MEIS2: variants seen among roughly 807,000 people sequenced by gnomAD.
MEIS2 encodes the protein Meis homeobox 2, also known as homeobox protein Meis2.
Under a neutral mutation model 58.6 loss-of-function variants are expected in MEIS2, and 9 were observed. The ratio of observed to expected loss-of-function variants is 0.15; its 90% CI spans 0.09 to 0.27. MEIS2 has a LOEUF of 0.27. Among genes scored for constraint, MEIS2 ranks in the 10% least tolerant of loss-of-function variants. The pLI, the probability that MEIS2 is intolerant of heterozygous loss-of-function variation, is 1.00. For synonymous variants in MEIS2, 221 were observed against 228.4 expected (o/e 0.97, Z 0.29); for missense variants, 427 against 635.0 (o/e 0.67, Z 3.52).
intron 8 of MEIS2, among the ~76,000 whole-genome samples, chr15:36,988,510 G>A (rs2060165800): frequency 6.6e-6 from 1 of 152,104 alleles, no homozygotes; most frequent in African/African-American, 2.4e-5. Flanking sequence ...CTAGACAATT[G>A]CTATGACTTT....
intron 7 of MEIS2, among the ~76,000 whole-genome samples, chr15:37,075,525 C>T (rs886239416): frequency 6.6e-6 from 1 of 151,972 alleles, no homozygotes; most frequent in African/African-American, 2.4e-5. Context: ...AGGCACACAT[C>T]AGTGAACCAA....
At chr15:36,948,815 A>C (rs2058661152) in intron 9 of MEIS2, among the ~76,000 whole-genome samples, 1 of 151,958 alleles carries the variant, frequency 6.6e-6, no homozygotes, top group South Asian at 2.1e-4. Flanking sequence ...ATCAATGTAT[A>C]ATCACATACA....
chr15:36,929,835 C>A (rs2057901038), intron 9 of MEIS2, among the ~76,000 whole-genome samples: 1 of 152,106 alleles, frequency 6.6e-6, no homozygotes, highest in East Asian at 1.9e-4. Flanking sequence ...TCTAAACATA[C>A]AGAGATTGAT....
chr15:37,070,615 T>G lies in MEIS2; in HGVS notation c.754+13156A>C, dbSNP rs576743542. On this transcript the variant is annotated intron_variant, in intron 7 of 11. Coordinates refer to ENST00000561208, the MANE Select transcript of MEIS2 (RefSeq NM_170675.5). Reference sequence around the variant, plus strand: ...CACAAAGTTCTTTTTTGTTTCTGTTTGTTTGTTCATTTAAAGTAATGCCTA... The same window carrying G: ...CACAAAGTTCTTTTTTGTTTCTGTTGGTTTGTTCATTTAAAGTAATGCCTA... Among the ~76,000 whole-genome samples, 4 of 152,318 alleles carry G rather than the reference T, an allele frequency of 2.6e-5. No homozygotes were observed. In the East Asian group the frequency reaches 7.7e-4, roughly 29 times the overall value.
chr15:36,958,723 A>G (rs2059077977), intron 8 of MEIS2, among the ~76,000 whole-genome samples: 1 of 152,184 alleles, frequency 6.6e-6, no homozygotes, highest in Non-Finnish European at 1.5e-5. Flanking sequence ...TTTATTTAAC[A>G]TTTGTTAGGA....
chr15:37,087,109 A>G lies in MEIS2; in HGVS notation c.640-3224T>C, dbSNP rs550117415. On this transcript the variant is annotated intron_variant, in intron 6 of 11. Coordinates refer to ENST00000561208, the MANE Select transcript of MEIS2 (RefSeq NM_170675.5). Reference sequence around the variant, plus strand: ...AAAAACACATGATGCAAGTAGAAAAATAAAGAGAAACGCTCGCCGGGTGCC... The same window carrying G: ...AAAAACACATGATGCAAGTAGAAAAGTAAAGAGAAACGCTCGCCGGGTGCC... Among the ~76,000 whole-genome samples the G allele has an allele frequency of 3.3e-5, 5 of 152,300 alleles. No homozygotes were observed. The South Asian group carries it at 1.0e-3, about 32-fold the overall frequency.
chr15:36,967,730 T>C (rs886478423), intron 8 of MEIS2, among the ~76,000 whole-genome samples: 1 of 152,206 alleles, frequency 6.6e-6, no homozygotes, highest in South Asian at 2.1e-4. Context: ...ATTTTATTCC[T>C]CTATTATTGC....
rs780677066 is a variant in MEIS2 at position 37,098,036 on chromosome 15, T to C, written c.176A>G (p.Asn59Ser). 17 of 1,612,820 alleles carry C rather than the reference T, an allele frequency of 1.1e-5. No homozygotes were observed. The highest frequency in any genetic ancestry group is 1.6e-4 in the Middle Eastern group (1 of 6,082). Residue 59 changes from asparagine (N) to serine (S), a missense_variant, in exon 2 of 12, where the codon AAT becomes AGT. Around this residue, in one of 6 missense-constraint regions of MEIS2, gnomAD observed 103 missense variants for 111.8 expected, o/e 0.92. Coordinates refer to ENST00000561208, the MANE Select transcript of MEIS2 (RefSeq NM_170675.5). Reference protein sequence around the residue: ...QHYGAHAPHPNVMPASMGSAV... With the variant: ...QHYGAHAPHPSVMPASMGSAV... ...GGATCCCATACTGGCCGGCATGACA[T>C]TGGGGTGCGGGGCGTGCGCGCCGTA...
Position 37,095,413 on chromosome 15 carries a change from G to C in MEIS2, c.438+151C>G. On this transcript the variant is annotated intron_variant, in intron 4 of 11. Coordinates refer to ENST00000561208, the MANE Select transcript of MEIS2 (RefSeq NM_170675.5). ...GCTCCTCGCTCGCCAGCTCCCGTGC[G>C]GGGGCTCTAAGCTGCTCCCTTCCTC... The C allele has an allele frequency of 1.7e-6, 2 of 1,179,456 alleles. 1 individual carries two copies. The highest frequency in any genetic ancestry group is 3.1e-5 in the South Asian group (2 of 64,750). 73.1% of individuals were successfully genotyped at this position (1,179,456 alleles called of 1,614,324 possible).
At chr15:37,092,013 C>T (rs963363481) in intron 6 of MEIS2, among the ~76,000 whole-genome samples, 1 of 152,204 alleles carries the variant, frequency 6.6e-6, no homozygotes, top group Non-Finnish European at 1.5e-5. Context: ...CCACAACACA[C>T]TGTGGAGCCA....
At chr15:37,066,742 A>G (rs187080502) in intron 7 of MEIS2, among the ~76,000 whole-genome samples, 2 of 152,314 alleles carry the variant, frequency 1.3e-5, no homozygotes, top group Non-Finnish European at 2.9e-5. Context: ...TGAGTCCATG[A>G]GAGCTTAAAG....
At chr15:36,958,210 A>T (rs980955518) in intron 8 of MEIS2, among the ~76,000 whole-genome samples, 2 of 152,194 alleles carry the variant, frequency 1.3e-5, no homozygotes, top group African/African-American at 4.8e-5. Context: ...CCACAGTGGG[A>T]AGGCCTCATT....
chr15:37,018,416 G>A lies in MEIS2; in HGVS notation c.900+18398C>T, dbSNP rs112048090. On this transcript the variant is annotated intron_variant, in intron 8 of 11. Coordinates refer to ENST00000561208, the MANE Select transcript of MEIS2 (RefSeq NM_170675.5). Reference sequence around the variant, plus strand: ...GTAAGACCCACATCATCTCATCAATGTTTTAGATTTATTATATTATGCAAC... The same window carrying A: ...GTAAGACCCACATCATCTCATCAATATTTTAGATTTATTATATTATGCAAC... 3.9e-3 allele frequency among the ~76,000 whole-genome samples: 592 copies of A among 152,208 alleles called. 3 individuals are homozygous for A. Among genetic ancestry groups the A allele is most frequent in the African/African-American group, 0.014 (564 of 41,528 alleles).
At chr15:36,952,607 CTG>C (rs59061267) in intron 8 of MEIS2, among the ~76,000 whole-genome samples, 12,747 of 139,740 alleles carry the variant, frequency 0.091, 698 homozygotes, top group South Asian at 0.13. Flanking sequence ...GTCTCTCTCT[CTG>C]TGTGTGTGTG....
intron 7 of MEIS2, among the ~76,000 whole-genome samples, chr15:37,070,815 A>C (rs921264632): frequency 6.6e-6 from 1 of 152,104 alleles, no homozygotes; most frequent in African/African-American, 2.4e-5. Context: ...ATGGGATCTA[A>C]GGAATCACAA....
chr15:37,029,100 A>G (rs971196526), intron 8 of MEIS2, among the ~76,000 whole-genome samples: 10 of 152,198 alleles, frequency 6.6e-5, no homozygotes, highest in African/African-American at 2.4e-4. Flanking sequence ...TCTCTAGTAT[A>G]AGATTCCATT....
intron 9 of MEIS2, among the ~76,000 whole-genome samples, chr15:36,928,251 T>A (rs992845996): frequency 6.6e-6 from 1 of 152,188 alleles, no homozygotes; most frequent in Non-Finnish European, 1.5e-5. Flanking sequence ...TCCTACCATA[T>A]GCAGAAAAAT....
At chr15:36,954,579 T>C (rs1595800343) in intron 8 of MEIS2, among the ~76,000 whole-genome samples, 1 of 151,810 alleles carries the variant, frequency 6.6e-6, no homozygotes. Context: ...TCTCTTGCAT[T>C]GTGGTAACTC....
At chr15:37,093,478 A>G (rs1893808805) in intron 6 of MEIS2, 103 bp downstream of exon 6, 1 of 1,368,280 alleles carries the variant, frequency 7.3e-7, no homozygotes, top group Admixed American at 2.5e-5. Context: ...AGACGGAGTC[A>G]TTTAAAAAGA....
Sources: allele counts gnomAD v4.1 joint callset (sites outside exome capture counted in the v4.1 genomes callset), GRCh38; gene constraint gnomAD v4.1.1; regional missense constraint gnomAD v4.1.1; transcripts MANE v1.5; gene names NCBI Gene and HGNC (gene_info 2026-07-23, HGNC 2026-07-21).